Variants in PTPRT observed in about 807,000 individuals in gnomAD.
The protein encoded by PTPRT is protein tyrosine phosphatase receptor type T.
PTPRT carries 56 observed loss-of-function variants against 176.8 expected under a neutral mutation model. The ratio of observed to expected loss-of-function variants is 0.32; its 90% CI spans 0.26 to 0.40. PTPRT has a LOEUF of 0.40. Among genes scored for constraint, PTPRT ranks in the 10% least tolerant of loss-of-function variants. PTPRT has a pLI of 1.00. For synonymous variants in PTPRT, 783 were observed against 739.0 expected (o/e 1.06, Z -0.96); for missense variants, 1,540 against 1,908.2 (o/e 0.81, Z 3.60).
chr20:42,564,430 T>C (rs1325571641), intron 7 of PTPRT, among the ~76,000 whole-genome samples: 1 of 151,964 alleles, frequency 6.6e-6, no homozygotes, highest in East Asian at 1.9e-4. Context: ...GAAAAAACAA[T>C]TAGAAATAAC....
chr20:42,733,971 G>A (rs967665961), intron 6 of PTPRT, among the ~76,000 whole-genome samples: 1 of 152,180 alleles, frequency 6.6e-6, no homozygotes, highest in Non-Finnish European at 1.5e-5. Flanking sequence ...TCAGGCAAAG[G>A]CCCAGGAGTC....
intron 6 of PTPRT, among the ~76,000 whole-genome samples, chr20:42,719,305 G>T (rs1325948947): frequency 2.6e-5 from 4 of 152,136 alleles, no homozygotes; most frequent in East Asian, 1.9e-4. Flanking sequence ...ATATGAAGGG[G>T]TATGGTAGCC....
chr20:42,275,345 G>GC (rs1368204650), intron 13 of PTPRT, among the ~76,000 whole-genome samples: 1 of 152,088 alleles, frequency 6.6e-6, no homozygotes, highest in African/African-American at 2.4e-5. Context: ...ATTTTAAAAG[G>GC]CCCCCCTTTT....
intron 2 of PTPRT, among the ~76,000 whole-genome samples, chr20:42,827,728 T>C (rs1052710987): frequency 2.6e-5 from 4 of 152,198 alleles, no homozygotes; most frequent in East Asian, 1.9e-4. Context: ...ATTCTCATAA[T>C]AGTGTGTGAG....
chr20:42,053,393 C>T, the PTPRT span, among the ~76,000 whole-genome samples: 1 of 152,162 alleles, frequency 6.6e-6, no homozygotes, highest in African/African-American at 2.4e-5. Flanking sequence ...TGTTTCCCCA[C>T]CTTGCTATAA....
the PTPRT span, among the ~76,000 whole-genome samples, chr20:42,046,992 T>C: frequency 7.2e-5 from 11 of 152,218 alleles, no homozygotes; most frequent in African/African-American, 2.7e-4. Flanking sequence ...CTGTGTTACA[T>C]AGAATTGCTC....
At chr20:42,548,640 T>G (rs138328744) in intron 7 of PTPRT, among the ~76,000 whole-genome samples, 2 of 152,112 alleles carry the variant, frequency 1.3e-5, no homozygotes, top group Non-Finnish European at 2.9e-5. Flanking sequence ...TTTTATTATC[T>G]AAAAATTATG....
chr20:42,855,094 A>T (rs903437365), intron 2 of PTPRT, among the ~76,000 whole-genome samples: 2 of 152,172 alleles, frequency 1.3e-5, no homozygotes, highest in African/African-American at 4.8e-5. Context: ...GCACATATCC[A>T]ATCACACACT....
intron 8 of PTPRT, among the ~76,000 whole-genome samples, chr20:42,454,968 A>C (rs2070894769): frequency 1.3e-5 from 2 of 152,190 alleles, no homozygotes; most frequent in Admixed American, 6.5e-5. Context: ...CAAGCAATGA[A>C]AGACAGGAAG....
intron 7 of PTPRT, among the ~76,000 whole-genome samples, chr20:42,641,477 C>A (rs1425320800): frequency 6.6e-6 from 1 of 152,094 alleles, no homozygotes; most frequent in Admixed American, 6.6e-5. Context: ...GCCTGAAAAT[C>A]ATTTACAGAG....
chr20:42,259,410 C>T (rs149057386), intron 13 of PTPRT, among the ~76,000 whole-genome samples: 3 of 152,184 alleles, frequency 2.0e-5, no homozygotes, highest in African/African-American at 7.2e-5. Context: ...TATTGACACA[C>T]CCCTTCTATG....
intron 2 of PTPRT, among the ~76,000 whole-genome samples, chr20:42,825,827 T>C (rs2077983126): frequency 6.6e-6 from 1 of 152,102 alleles, no homozygotes; most frequent in Admixed American, 6.6e-5. Context: ...CAGTGAAAAC[T>C]GAAGCCCGTA....
intron 4 of PTPRT, 97 bp downstream of exon 4, chr20:42,780,121 G>T (rs2077193332): frequency 3.1e-6 from 3 of 954,406 alleles, no homozygotes; most frequent in African/African-American, 3.2e-5. Context: ...GAGAGTGAGA[G>T]ATGTTTGTAA....
At chr20:42,847,451 G>A (rs369931894) in intron 2 of PTPRT, among the ~76,000 whole-genome samples, 1 of 152,224 alleles carries the variant, frequency 6.6e-6, no homozygotes, top group African/African-American at 2.4e-5. Context: ...TTTCAGGGCA[G>A]TGAGCAGGGT....
At chr20:42,218,317 T>C (rs2055817219) in intron 15 of PTPRT, among the ~76,000 whole-genome samples, 1 of 152,346 alleles carries the variant, frequency 6.6e-6, no homozygotes, top group African/African-American at 2.4e-5. Flanking sequence ...AGTATATCTA[T>C]GTGCGGATGG....
intron 24 of PTPRT, 146 bp from the exon 25 acceptor site, chr20:42,104,864 A>C: frequency 2.3e-6 from 2 of 864,358 alleles, no homozygotes; most frequent in Non-Finnish European, 1.7e-6. Context: ...CTGTAACCCA[A>C]AGGGCCAAAT....
At chr20:42,857,564 AC>A (rs1038386546) in intron 2 of PTPRT, among the ~76,000 whole-genome samples, 3 of 151,636 alleles carry the variant, frequency 2.0e-5, no homozygotes, top group African/African-American at 7.3e-5. Context: ...CTATTTCCCC[AC>A]CCTCAGCTCA....
intron 11 of PTPRT, among the ~76,000 whole-genome samples, chr20:42,319,652 C>G (rs1421622958): frequency 2.0e-5 from 3 of 152,210 alleles, no homozygotes; most frequent in African/African-American, 7.2e-5. Flanking sequence ...AGAGAAGAAA[C>G]AGCACTCACA....
intron 13 of PTPRT, among the ~76,000 whole-genome samples, chr20:42,262,722 C>A (rs993923064): frequency 1.3e-5 from 2 of 151,882 alleles, no homozygotes; most frequent in South Asian, 4.2e-4. Flanking sequence ...TGCATGGGGT[C>A]AAATGAATGA....
Sources: gnomAD v4.1 joint callset for allele counts (sites outside exome capture counted in the v4.1 genomes callset) on GRCh38, gnomAD v4.1.1 for gene constraint, MANE v1.5 for transcripts, NCBI Gene and HGNC (gene_info 2026-07-23, HGNC 2026-07-21) for gene names.